GPC5: variants seen among roughly 807,000 people sequenced by gnomAD.
GPC5 encodes the protein glypican-5.
GPC5 carries 47 observed loss-of-function variants against 53.9 expected under a neutral mutation model. That is an observed-to-expected ratio of 0.87 (90% CI 0.69 to 1.11). The LOEUF is 1.11. Ranked by LOEUF, GPC5 falls within the 50% of genes most tolerant of loss-of-function variation. The pLI is 0.00. For missense variants in GPC5, 748 were observed against 713.1 expected, an observed-to-expected ratio of 1.05 and a Z score of -0.56; for synonymous variants, 286 against 263.3, an observed-to-expected ratio of 1.09 and a Z score of -0.84.
At chr13:92,568,109 G>T (rs749649866) in intron 7 of GPC5, among the ~76,000 whole-genome samples, 27 of 151,934 alleles carry the variant, frequency 1.8e-4, no homozygotes, top group Non-Finnish European at 3.4e-4. Flanking sequence ...ATCACTTGAG[G>T]CCAGAAGTTC....
intron 7 of GPC5, among the ~76,000 whole-genome samples, chr13:92,646,306 C>A (rs1393882179): frequency 6.6e-6 from 1 of 152,090 alleles, no homozygotes; most frequent in Non-Finnish European, 1.5e-5. Context: ...GAAAATCAAT[C>A]ATTGTAGAAT....
chr13:92,190,187 T>A (rs972476198), intron 7 of GPC5, among the ~76,000 whole-genome samples: 8 of 151,622 alleles, frequency 5.3e-5, no homozygotes, highest in African/African-American at 1.7e-4. Flanking sequence ...ATATTCAAAG[T>A]GTTGAGAGAG....
intron 7 of GPC5, among the ~76,000 whole-genome samples, chr13:92,381,205 T>C (rs2043736244): frequency 6.6e-6 from 1 of 152,224 alleles, no homozygotes; most frequent in African/African-American, 2.4e-5. Flanking sequence ...TTTTCTCTAC[T>C]CATAACAAAG....
chr13:92,479,866 G>C (rs1879285275), intron 7 of GPC5, among the ~76,000 whole-genome samples: 1 of 152,188 alleles, frequency 6.6e-6, no homozygotes, highest in African/African-American at 2.4e-5. Flanking sequence ...AGCCTTATGT[G>C]TGTGTATGAT....
chr13:91,558,721 C>T (rs189536625), intron 2 of GPC5, among the ~76,000 whole-genome samples: 1 of 152,144 alleles, frequency 6.6e-6, no homozygotes, highest in Non-Finnish European at 1.5e-5. Flanking sequence ...CTGTTGCCGT[C>T]CTCAGTGTGT....
At chr13:92,079,858 C>T (rs1011293345) in intron 6 of GPC5, among the ~76,000 whole-genome samples, 1 of 152,208 alleles carries the variant, frequency 6.6e-6, no homozygotes, top group African/African-American at 2.4e-5. Flanking sequence ...TCCTTCAATG[C>T]TGCATCTCCC....
chr13:91,749,077 G>A (rs912752883), intron 4 of GPC5, among the ~76,000 whole-genome samples: 1 of 152,040 alleles, frequency 6.6e-6, no homozygotes, highest in African/African-American at 2.4e-5. Context: ...AAGTGCAGTT[G>A]TATTACATGG....
At chr13:92,043,736 C>A (rs11838744) in intron 6 of GPC5, among the ~76,000 whole-genome samples, 1 of 152,024 alleles carries the variant, frequency 6.6e-6, no homozygotes, top group African/African-American at 2.4e-5. Context: ...CTAAGAATAT[C>A]GGGTGTTGGA....
At chr13:92,780,511 C>A (rs1008612774) in intron 7 of GPC5, among the ~76,000 whole-genome samples, 1 of 151,718 alleles carries the variant, frequency 6.6e-6, no homozygotes. Context: ...TGAGACTTTG[C>A]GTATAGACAG....
intron 7 of GPC5, among the ~76,000 whole-genome samples, chr13:92,511,054 A>T (rs1880544940): frequency 6.6e-6 from 1 of 152,236 alleles, no homozygotes; most frequent in South Asian, 2.1e-4. Flanking sequence ...TTGGTATCTT[A>T]TAAAGACATA....
At chr13:91,592,890 T>A (rs1395061658) in intron 2 of GPC5, among the ~76,000 whole-genome samples, 1 of 152,146 alleles carries the variant, frequency 6.6e-6, no homozygotes, top group Non-Finnish European at 1.5e-5. Flanking sequence ...CCCAGTCCCA[T>A]GGGGAAGTAA....
intron 7 of GPC5, among the ~76,000 whole-genome samples, chr13:92,470,271 G>C (rs1392716917): frequency 6.6e-6 from 1 of 152,110 alleles, no homozygotes; most frequent in Non-Finnish European, 1.5e-5. Context: ...TATTTGCTCT[G>C]CAATAGTAAA....
At chr13:92,853,130 GA>G (rs1029079204) in intron 7 of GPC5, among the ~76,000 whole-genome samples, 10 of 151,902 alleles carry the variant, frequency 6.6e-5, no homozygotes, top group African/African-American at 2.2e-4. Context: ...TCTACAAGCA[GA>G]AAAAAAATCC....
At chr13:92,360,925 A>G (rs763372056) in intron 7 of GPC5, among the ~76,000 whole-genome samples, 7 of 151,818 alleles carry the variant, frequency 4.6e-5, no homozygotes, top group Non-Finnish European at 7.3e-5. Context: ...GTAAATGCCT[A>G]TGGGGCAACC....
At chr13:91,704,991 A>G (rs1024428523) in intron 3 of GPC5, among the ~76,000 whole-genome samples, 1 of 152,206 alleles carries the variant, frequency 6.6e-6, no homozygotes, top group Non-Finnish European at 1.5e-5. Context: ...TGATCAGAGA[A>G]GACTCCAGCT....
chr13:91,796,702 C>T (rs1373494379), intron 5 of GPC5, among the ~76,000 whole-genome samples: 2 of 152,116 alleles, frequency 1.3e-5, no homozygotes, highest in African/African-American at 2.4e-5. Flanking sequence ...AATTCTTAGT[C>T]GGCCTAGGAA....
At chr13:91,657,874 TA>T (rs891683069) in intron 2 of GPC5, among the ~76,000 whole-genome samples, 8 of 152,112 alleles carry the variant, frequency 5.3e-5, no homozygotes, top group African/African-American at 1.9e-4. Flanking sequence ...TTTAAAAATT[TA>T]AAAAAATACA....
intron 7 of GPC5, among the ~76,000 whole-genome samples, chr13:92,860,897 T>G (rs1879157472): frequency 6.6e-6 from 1 of 152,078 alleles, no homozygotes; most frequent in African/African-American, 2.4e-5. Context: ...ATTTAGTAAT[T>G]TTATGCCCTG....
intron 6 of GPC5, among the ~76,000 whole-genome samples, chr13:92,134,757 C>G (rs1488785901): frequency 3.3e-5 from 5 of 152,106 alleles, no homozygotes; most frequent in Admixed American, 3.3e-4. Flanking sequence ...AAAGGGAGTT[C>G]TTATATTGGC....
Sources: allele counts gnomAD v4.1 joint callset (sites outside exome capture counted in the v4.1 genomes callset), GRCh38; gene constraint gnomAD v4.1.1; transcripts MANE v1.5; gene names NCBI Gene and HGNC (gene_info 2026-07-23, HGNC 2026-07-21).